The following GFRA2 variants were observed in gnomAD, a reference collection of about 807,000 sequenced individuals.
GFRA2 encodes the protein GDNF family receptor alpha 2.
In GFRA2, 17 loss-of-function variants were observed where a neutral mutation model predicts 48.3. The observed-to-expected ratio is 0.35, with a 90% CI of 0.24 to 0.53. The LOEUF is 0.53. Ranked by LOEUF, GFRA2 falls within the 20% of genes least tolerant of loss-of-function variation. The pLI is 0.93. For synonymous variants in GFRA2, 305 were observed against 257.2 expected (o/e 1.19, Z -1.78); for missense variants, 660 against 637.3 (o/e 1.04, Z -0.38).
intron 1 of GFRA2, among the ~76,000 whole-genome samples, chr8:21,786,957 C>T (rs1015422879): frequency 8.6e-5 from 13 of 151,948 alleles, no homozygotes; most frequent in Middle Eastern, 6.8e-3. Flanking sequence ...AGAACTACAC[C>T]CTCACTGAAG....
upstream of GFRA2, among the ~76,000 whole-genome samples, chr8:21,791,677 T>A (rs1807576925): frequency 6.6e-6 from 1 of 152,166 alleles, no homozygotes; most frequent in African/African-American, 2.4e-5. Context: ...AAACCAACGT[T>A]GTAGAAATTA....
At chr8:21,763,518 G>A (rs760771442) in intron 3 of GFRA2, among the ~76,000 whole-genome samples, 2 of 152,024 alleles carry the variant, frequency 1.3e-5, no homozygotes, top group Non-Finnish European at 2.9e-5. Context: ...GGGGCGGTCT[G>A]TCTGCACAAC....
intron 4 of GFRA2, among the ~76,000 whole-genome samples, chr8:21,714,243 G>GTTTTTTTT (rs1385783305): frequency 9.8e-4 from 45 of 45,940 alleles, no homozygotes; most frequent in Non-Finnish European, 1.2e-3. Context: ...CTGGTCTGAA[G>GTTTTTTTT]TTCTTTTTTT....
intron 4 of GFRA2, among the ~76,000 whole-genome samples, chr8:21,731,591 C>T (rs1804197488): frequency 6.6e-6 from 1 of 152,150 alleles, no homozygotes; most frequent in South Asian, 2.1e-4. Flanking sequence ...AAAGTTTGTT[C>T]ATCAAAACAG....
intron 2 of GFRA2, among the ~76,000 whole-genome samples, 162 bp downstream of exon 2, chr8:21,782,423 G>T (rs1453549614): frequency 1.3e-5 from 2 of 151,876 alleles, no homozygotes; most frequent in African/African-American, 4.8e-5. Context: ...CCTAGGTGGG[G>T]CGGCGACTTC....
intron 3 of GFRA2, among the ~76,000 whole-genome samples, chr8:21,768,831 C>T (rs1806304864): frequency 6.6e-6 from 1 of 152,126 alleles, no homozygotes; most frequent in African/African-American, 2.4e-5. Context: ...GCTGGAGCAC[C>T]CCAGAGAGGC....
intron 1 of GFRA2, among the ~76,000 whole-genome samples, chr8:21,806,221 G>A (rs532107369): frequency 3.4e-4 from 52 of 152,214 alleles, no homozygotes; most frequent in African/African-American, 1.2e-3. Context: ...TTCAACTTTC[G>A]ATTTTTCAAC....
upstream of GFRA2, among the ~76,000 whole-genome samples, chr8:21,792,828 G>A (rs746286392): frequency 2.9e-3 from 447 of 152,364 alleles, no homozygotes; most frequent in Admixed American, 5.6e-3. Flanking sequence ...ACTCTGGGAG[G>A]CAGAGGCGGG....
intron 2 of GFRA2, among the ~76,000 whole-genome samples, chr8:21,796,095 G>A (rs1339388906): frequency 6.6e-6 from 1 of 152,184 alleles, no homozygotes; most frequent in East Asian, 1.9e-4. Context: ...CTTCTGTTGA[G>A]CTATCCTAAG....
At chr8:21,747,426 A>C (rs547506273) in intron 4 of GFRA2, among the ~76,000 whole-genome samples, 1 of 152,262 alleles carries the variant, frequency 6.6e-6, no homozygotes, top group African/African-American at 2.4e-5. Context: ...TTTCATCTTC[A>C]ATCGCCTCAA....
At chr8:21,724,900 T>G (rs1250740917) in intron 4 of GFRA2, among the ~76,000 whole-genome samples, 1 of 152,166 alleles carries the variant, frequency 6.6e-6, no homozygotes, top group African/African-American at 2.4e-5. Context: ...ATGTCTTGCC[T>G]AGGCTGCAAT....
chr8:21,727,696 C>A (rs370862973), intron 4 of GFRA2, among the ~76,000 whole-genome samples: 16 of 152,180 alleles, frequency 1.1e-4, no homozygotes, highest in African/African-American at 3.6e-4. Context: ...CGTCTGCCCG[C>A]AGACGGCAGC....
intron 1 of GFRA2, among the ~76,000 whole-genome samples, chr8:21,784,837 A>G (rs913489254): frequency 2.0e-5 from 3 of 152,074 alleles, no homozygotes; most frequent in African/African-American, 7.2e-5. Flanking sequence ...TCCTCCACAC[A>G]AGCTGAGGCA....
At chr8:21,787,405 C>G (rs897063704) in intron 1 of GFRA2, among the ~76,000 whole-genome samples, 2 of 152,214 alleles carry the variant, frequency 1.3e-5, no homozygotes, top group Admixed American at 6.5e-5. Context: ...CACGGGGGTC[C>G]GCGGCCCCCA....
intron 4 of GFRA2, among the ~76,000 whole-genome samples, chr8:21,738,601 A>T (rs1213219309): frequency 6.6e-6 from 1 of 152,092 alleles, no homozygotes; most frequent in East Asian, 1.9e-4. Context: ...CCCAGAGTCC[A>T]CGGCTTTGTG....
chr8:21,747,820 A>G (rs150749916), intron 4 of GFRA2, among the ~76,000 whole-genome samples: 61 of 151,984 alleles, frequency 4.0e-4, no homozygotes, highest in Non-Finnish European at 7.1e-4. Flanking sequence ...ACACATAAAC[A>G]TGCACATGCA....
intron 5 of GFRA2, among the ~76,000 whole-genome samples, chr8:21,705,416 G>A (rs1420730799): frequency 2.0e-5 from 3 of 152,136 alleles, no homozygotes; most frequent in Non-Finnish European, 4.4e-5. Flanking sequence ...CCCTTGCTTT[G>A]TCCTTCACCA....
intron 1 of GFRA2, among the ~76,000 whole-genome samples, chr8:21,785,051 C>G (rs1224319314): frequency 1.3e-5 from 2 of 152,232 alleles, no homozygotes; most frequent in African/African-American, 4.8e-5. Context: ...AATGCCCTCC[C>G]ACCTTGACTG....
chr8:21,764,631 G>A (rs1393719753), intron 3 of GFRA2, among the ~76,000 whole-genome samples: 1 of 152,222 alleles, frequency 6.6e-6, no homozygotes, highest in Non-Finnish European at 1.5e-5. Context: ...AGGCTGCCCT[G>A]CCATGCGTGC....
Sources: allele counts gnomAD v4.1 joint callset (sites outside exome capture counted in the v4.1 genomes callset), GRCh38; gene constraint gnomAD v4.1.1; transcripts MANE v1.5; gene names NCBI Gene and HGNC (gene_info 2026-07-23, HGNC 2026-07-21).